GPC6: variants seen among roughly 807,000 people sequenced by gnomAD.
GPC6 encodes the protein glypican 6.
Under a neutral mutation model 55.2 loss-of-function variants are expected in GPC6, and 14 were observed. The ratio of observed to expected loss-of-function variants is 0.25; its 90% CI spans 0.17 to 0.40. GPC6 has a LOEUF of 0.40. Ranked by LOEUF, GPC6 falls within the 10% of genes least tolerant of loss-of-function variation. The pLI is 1.00. For synonymous variants in GPC6, 278 were observed against 259.6 expected, an observed-to-expected ratio of 1.07 and a Z score of -0.68; for missense variants, 641 against 708.5, an observed-to-expected ratio of 0.90 and a Z score of 1.08.
At chr13:93,499,011 CA>C (rs1257182765) in intron 1 of GPC6, among the ~76,000 whole-genome samples, 1 of 151,900 alleles carries the variant, frequency 6.6e-6, no homozygotes, top group African/African-American at 2.4e-5. Flanking sequence ...TGTATTCATT[CA>C]GCATTTATTT....
intron 2 of GPC6, among the ~76,000 whole-genome samples, chr13:93,804,863 G>A (rs1048589691): frequency 1.3e-5 from 2 of 152,138 alleles, no homozygotes; most frequent in Admixed American, 1.3e-4. Context: ...AACTCCCTGA[G>A]TCTCCGTGAA....
chr13:93,812,549 C>T (rs758580547), intron 2 of GPC6, among the ~76,000 whole-genome samples: 2 of 152,196 alleles, frequency 1.3e-5, no homozygotes, highest in Non-Finnish European at 2.9e-5. Flanking sequence ...ATAACTAACA[C>T]ATTCCACCTG....
At chr13:93,676,168 T>TATATATACAC (rs1439832316) in intron 2 of GPC6, among the ~76,000 whole-genome samples, 1 of 39,454 alleles carries the variant, frequency 2.5e-5, no homozygotes, top group African/African-American at 8.7e-5. Flanking sequence ...TATATATATA[T>TATATATACAC]ACATACACAC....
Position 93,904,371 on chromosome 13 carries a change from A to G in GPC6, c.711+73826A>G, listed in dbSNP as rs191516196. 3.9e-5 allele frequency among the ~76,000 whole-genome samples: 6 copies of G among 152,280 alleles called. No individual in the cohort carries two copies. The East Asian group carries it at 1.2e-3, about 30-fold the overall frequency. On this transcript the variant is annotated intron_variant, in intron 3 of 8. Transcript: ENST00000377047. ...AGGAAGACATGCAGGTTACAAATCC[A>G]TCTTTAGCGACATTTACACCCCCAA...
intron 6 of GPC6, among the ~76,000 whole-genome samples, chr13:94,312,004 T>A (rs748434484): frequency 7.9e-5 from 12 of 152,208 alleles, no homozygotes; most frequent in Non-Finnish European, 1.3e-4. Context: ...CTGCAGCTGG[T>A]CCAGTTCAGT....
chr13:94,254,664 A>C (rs946680850), intron 4 of GPC6, among the ~76,000 whole-genome samples: 1 of 151,390 alleles, frequency 6.6e-6, no homozygotes, highest in African/African-American at 2.4e-5. Context: ...AAGCCACTGA[A>C]TGTTTTACTA....
intron 3 of GPC6, among the ~76,000 whole-genome samples, chr13:93,922,488 T>TC (rs1049119301): frequency 6.6e-6 from 1 of 152,184 alleles, no homozygotes; most frequent in African/African-American, 2.4e-5. Flanking sequence ...GGCACTGTTG[T>TC]CATTTTGGGG....
At chr13:94,346,851 A>C (rs1878317477) in intron 6 of GPC6, among the ~76,000 whole-genome samples, 1 of 152,132 alleles carries the variant, frequency 6.6e-6, no homozygotes, top group East Asian at 1.9e-4. Context: ...GAAAACAAAA[A>C]TGAAGAGAGC....
chr13:93,291,324 C>CA (rs1878313240), intron 1 of GPC6, among the ~76,000 whole-genome samples: 1 of 152,038 alleles, frequency 6.6e-6, no homozygotes, highest in East Asian at 1.9e-4. Flanking sequence ...CAAACAATGC[C>CA]ATTGTCTCTT....
intron 6 of GPC6, among the ~76,000 whole-genome samples, chr13:94,326,987 A>C (rs1272646246): frequency 6.6e-6 from 1 of 152,216 alleles, no homozygotes; most frequent in African/African-American, 2.4e-5. Context: ...TTTTATCAAC[A>C]ATAACGTTCT....
chr13:93,900,912 T>A (rs1876310354), intron 3 of GPC6, among the ~76,000 whole-genome samples: 1 of 152,198 alleles, frequency 6.6e-6, no homozygotes, highest in Non-Finnish European at 1.5e-5. Context: ...GGAAGAAAGT[T>A]CCGTATGACA....
chr13:93,495,119 T>C (rs1309619835), intron 1 of GPC6, among the ~76,000 whole-genome samples: 1 of 109,800 alleles, frequency 9.1e-6, no homozygotes, highest in Non-Finnish European at 1.9e-5. Flanking sequence ...TGCAGAGTGT[T>C]TTCCAACTTG....
At chr13:93,336,461 G>A (rs1880048710) in intron 1 of GPC6, among the ~76,000 whole-genome samples, 1 of 152,134 alleles carries the variant, frequency 6.6e-6, no homozygotes. Context: ...ATTAAAAGAA[G>A]TGATTATTGC....
At chr13:93,965,065 A>G (rs1401539314) in intron 3 of GPC6, among the ~76,000 whole-genome samples, 1 of 150,998 alleles carries the variant, frequency 6.6e-6, no homozygotes, top group Admixed American at 6.6e-5. Flanking sequence ...GTTTTTGTAA[A>G]TATATAAAGT....
At chr13:94,053,793 C>A (rs941832031) in intron 4 of GPC6, among the ~76,000 whole-genome samples, 2 of 152,044 alleles carry the variant, frequency 1.3e-5, no homozygotes. Flanking sequence ...AAAATAGTTT[C>A]CTAAGAGTTA....
chr13:94,109,832 G>T (rs994278234), intron 4 of GPC6, among the ~76,000 whole-genome samples: 1 of 152,056 alleles, frequency 6.6e-6, no homozygotes, highest in African/African-American at 2.4e-5. Flanking sequence ...TCTCTTTAGT[G>T]ATGAGTATTG....
intron 3 of GPC6, among the ~76,000 whole-genome samples, chr13:93,835,677 G>A (rs942234666): frequency 2.0e-5 from 3 of 151,982 alleles, no homozygotes; most frequent in East Asian, 1.9e-4. Flanking sequence ...GCTTGAACCC[G>A]GGAGGCAGAG....
intron 1 of GPC6, among the ~76,000 whole-genome samples, chr13:93,359,667 G>C (rs565216392): frequency 1.3e-5 from 2 of 152,250 alleles, no homozygotes; most frequent in East Asian, 3.9e-4. Context: ...GGCTTTGGAA[G>C]TATGAATTCA....
intron 4 of GPC6, among the ~76,000 whole-genome samples, chr13:94,052,956 G>A (rs191216141): frequency 1.3e-5 from 2 of 152,148 alleles, no homozygotes; most frequent in Non-Finnish European, 2.9e-5. Context: ...TCTCTCTCAA[G>A]TGGCCTCTTA....
Sources: allele counts gnomAD v4.1 joint callset (sites outside exome capture counted in the v4.1 genomes callset), GRCh38; gene constraint gnomAD v4.1.1; transcripts MANE v1.5; gene names NCBI Gene and HGNC (gene_info 2026-07-23, HGNC 2026-07-21).